ADAMTS18: variants seen among roughly 807,000 people sequenced by gnomAD.
ADAMTS18 encodes ADAM metallopeptidase with thrombospondin type 1 motif 18, also known as A disintegrin and metalloproteinase with thrombospondin motifs 18.
Under a neutral mutation model 165.9 loss-of-function variants are expected in ADAMTS18, and 157 were observed. That is an observed-to-expected ratio of 0.95 (90% CI 0.83 to 1.08). The LOEUF (loss-of-function observed/expected upper bound fraction) is 1.08. ADAMTS18 is among the 50% of genes least tolerant of loss of function. The probability of loss-of-function intolerance (pLI) is 0.00; values close to 1 mark genes in which losing one functional copy is unlikely to be tolerated. For missense variants in ADAMTS18, 2,040 were observed against 1,534.0 expected (o/e 1.33, Z -5.51); for synonymous variants, 782 against 578.2 (o/e 1.35, Z -5.06).
At chr16:77,367,074 G>C (rs2056805936) in intron 4 of ADAMTS18, among the ~76,000 whole-genome samples, 1 of 152,038 alleles carries the variant, frequency 6.6e-6, no homozygotes, top group Non-Finnish European at 1.5e-5. Context: ...CTTGTTTCTG[G>C]AAGTCTCTCC....
intron 16 of ADAMTS18, among the ~76,000 whole-genome samples, chr16:77,318,965 CAG>C (rs2055937032): frequency 6.6e-6 from 1 of 152,180 alleles, no homozygotes; most frequent in Non-Finnish European, 1.5e-5. Context: ...AAAAAGCACT[CAG>C]AGACATCATG....
intron 3 of ADAMTS18, among the ~76,000 whole-genome samples, chr16:77,407,440 T>G (rs558587275): frequency 3.9e-5 from 6 of 152,038 alleles, no homozygotes; most frequent in Admixed American, 2.0e-4. Flanking sequence ...CAGCAGAATT[T>G]TGGTAGAAAT....
chr16:77,383,818 G>A (rs2057067899), intron 3 of ADAMTS18, among the ~76,000 whole-genome samples: 1 of 152,112 alleles, frequency 6.6e-6, no homozygotes, highest in South Asian at 2.1e-4. Context: ...TGGGATTATA[G>A]ACCGGAGCCA....
At chr16:77,330,040 C>A (rs1401496638) in intron 12 of ADAMTS18, among the ~76,000 whole-genome samples, 1 of 152,076 alleles carries the variant, frequency 6.6e-6, no homozygotes, top group African/African-American at 2.4e-5. Context: ...AGGACCTCCA[C>A]CCACTTTCTC....
chr16:77,341,818 G>C lies in ADAMTS18; in HGVS notation c.1615-19C>G. 1 of 1,577,216 alleles carries C rather than the reference G, an allele frequency of 6.3e-7. No homozygotes were observed. The highest frequency in any genetic ancestry group is 1.4e-5 in the African/African-American group (1 of 73,996). ...AAATATCCTGAAATAAAAAAAAAGG[G>C]GGGTGCTGTTAATGGTGATATACAA... On this transcript the variant is annotated intron_variant, in intron 10 of 22. Coordinates refer to ENST00000282849, the MANE Select transcript of ADAMTS18 (RefSeq NM_199355.4).
At chr16:77,318,788 G>A (rs1265835224) in intron 16 of ADAMTS18, among the ~76,000 whole-genome samples, 2 of 151,564 alleles carry the variant, frequency 1.3e-5, no homozygotes, top group Non-Finnish European at 2.9e-5. Flanking sequence ...TTATTTTTCT[G>A]GTTAGTGAAG....
At chr16:77,307,993 T>A (rs2055711894) in intron 16 of ADAMTS18, among the ~76,000 whole-genome samples, 1 of 152,158 alleles carries the variant, frequency 6.6e-6, no homozygotes, top group Non-Finnish European at 1.5e-5. Flanking sequence ...TTTATTATAG[T>A]AATTTTCTTT....
rs200998751 is a variant in ADAMTS18, at chr16:77,293,264, G to C, written c.3007-6C>G. ...CGTCCACAGGTCTTGGAACACTTGA[G>C]AAGACAAAAAAGTTCTATTTGCATT... On this transcript the variant is annotated splice_region_variant and splice_polypyrimidine_tract_variant and intron_variant, in intron 19 of 22. Coordinates refer to ENST00000282849, the MANE Select transcript of ADAMTS18 (RefSeq NM_199355.4). The C allele has an allele frequency of 3.5e-5, 56 of 1,612,122 alleles. No homozygotes were observed. The East Asian group carries it at 1.2e-3, about 35-fold the overall frequency.
chr16:77,410,418 T>C lies in ADAMTS18; in HGVS notation c.495+20877A>G, dbSNP rs146659708. 2.3e-3 allele frequency among the ~76,000 whole-genome samples: 348 copies of C among 152,264 alleles called. 8 individuals are homozygous for C. The highest frequency in any genetic ancestry group is 0.014 in the East Asian group (74 of 5,182). On this transcript the variant is annotated intron_variant, in intron 3 of 22. Coordinates refer to ENST00000282849, the MANE Select transcript of ADAMTS18 (RefSeq NM_199355.4). ...GCATGAGGATCCTCTAGCATGCTTATTGAAAATACAGATTCAACAGATCTG... is the reference window on the plus strand; with the variant it reads ...GCATGAGGATCCTCTAGCATGCTTACTGAAAATACAGATTCAACAGATCTG...
chr16:77,400,626 C>T (rs1390187142), intron 3 of ADAMTS18, among the ~76,000 whole-genome samples: 2 of 151,800 alleles, frequency 1.3e-5, no homozygotes, highest in African/African-American at 2.4e-5. Flanking sequence ...GGACTACAGG[C>T]GCCCGTCACC....
In ADAMTS18 at chr16:77,306,245, T is replaced by C. The variant is rs190796095; in HGVS notation, c.2533-5841A>G. On this transcript the variant is annotated intron_variant, in intron 16 of 22. Transcript: ENST00000282849. ...CCAGGTCCTCCATAGAGATGTTTAA[T>C]GTCTACCTTTAACACACAAACCACC... 3.3e-5 allele frequency among the ~76,000 whole-genome samples: 5 copies of C among 152,316 alleles called. No individual in the cohort carries two copies. The East Asian group carries it at 9.7e-4, about 30-fold the overall frequency.
At chr16:77,319,352 G>A (rs1342357324) in intron 16 of ADAMTS18, among the ~76,000 whole-genome samples, 1 of 152,148 alleles carries the variant, frequency 6.6e-6, no homozygotes, top group Non-Finnish European at 1.5e-5. Context: ...CATTCTCTTG[G>A]AGGCCATTTG....
chr16:77,321,063 C>T lies in ADAMTS18; in HGVS notation c.2287+16G>A, dbSNP rs1416712197. The stretch of plus-strand genomic sequence containing the variant: ...GTTGTATCTCATTAACAATAACAAA[C>T]AGCAGCATCTCTCACCATTTGCTTT... On this transcript the variant is annotated intron_variant, in intron 15 of 22. Transcript: ENST00000282849. 1 of 1,614,010 alleles carries T rather than the reference C, an allele frequency of 6.2e-7. No individual in the cohort carries two copies. The highest frequency in any genetic ancestry group is 8.5e-7 in the Non-Finnish European group (1 of 1,179,984).
intron 3 of ADAMTS18, among the ~76,000 whole-genome samples, chr16:77,371,965 A>T (rs967299858): frequency 6.6e-6 from 1 of 152,274 alleles, no homozygotes; most frequent in South Asian, 2.1e-4. Flanking sequence ...TGGCCAAAAA[A>T]CCTAAATAAA....
intron 10 of ADAMTS18, among the ~76,000 whole-genome samples, chr16:77,352,922 C>A (rs1048638996): frequency 6.6e-5 from 10 of 152,010 alleles, no homozygotes; most frequent in Admixed American, 6.6e-4. Context: ...CGGTGAAATC[C>A]CTTCTCTACT....
At chr16:77,429,211 T>C (rs1231004743) in intron 3 of ADAMTS18, among the ~76,000 whole-genome samples, 2 of 152,100 alleles carry the variant, frequency 1.3e-5, no homozygotes, top group Non-Finnish European at 2.9e-5. Context: ...ACAGAGTGGA[T>C]GAAGAAAATG....
rs9930984 is a variant in ADAMTS18 at position 77,320,076 on chromosome 16, G to A, written c.2305C>T (p.Leu769Phe). 2 of 1,613,726 alleles carry A rather than the reference G, an allele frequency of 1.2e-6. No homozygotes were observed. The highest frequency in any genetic ancestry group is 1.1e-5 in the South Asian group (1 of 91,052). ...ATGCTTCGGGCGCCAGCTGGAATGA[G>A]GACCACCGGATAATATTCTAAATGG... The part of the protein sequence containing the change: ...HKANEYYPVV[L>F]IPAGARSIEI... The change falls in exon 16 of 23, where the codon CTC becomes TTC. Residue 769 changes from leucine (L) to phenylalanine (F), a missense_variant. By Grantham distance (22) the Leu-to-Phe change is conservative. Transcript: ENST00000282849.
chr16:77,286,745 C>G (rs1346585593), intron 22 of ADAMTS18, among the ~76,000 whole-genome samples: 1 of 152,108 alleles, frequency 6.6e-6, no homozygotes, highest in African/African-American at 2.4e-5. Context: ...TCATCCTTAA[C>G]TTAATATGAC....
chr16:77,308,472 G>A (rs1462112553), intron 16 of ADAMTS18, among the ~76,000 whole-genome samples: 1 of 134,216 alleles, frequency 7.5e-6, no homozygotes, highest in African/African-American at 2.8e-5. Context: ...TTGAAATGGG[G>A]GAAAAGGAAG....
Sources: allele counts gnomAD v4.1 joint callset (sites outside exome capture counted in the v4.1 genomes callset), GRCh38; gene constraint gnomAD v4.1.1; transcripts MANE v1.5; gene names NCBI Gene and HGNC (gene_info 2026-07-23, HGNC 2026-07-21).